ENOX1: variants seen among roughly 807,000 people sequenced by gnomAD.
ENOX1 encodes candidate growth-related and time keeping constitutive hydroquinone (NADH) oxidase.
ENOX1 carries 42 observed loss-of-function variants against 82.5 expected under a neutral mutation model. The ratio of observed to expected loss-of-function variants is 0.51; its 90% CI spans 0.40 to 0.66. The LOEUF (loss-of-function observed/expected upper bound fraction) is 0.66, where lower values mean the gene tolerates loss of function less well. Among genes scored for constraint, ENOX1 ranks in the 30% least tolerant of loss-of-function variants. ENOX1 has a pLI of 0.00. For missense variants in ENOX1, 608 were observed against 811.6 expected (o/e 0.75, Z 3.05); for synonymous variants, 271 against 282.2 (o/e 0.96, Z 0.40).
At chr13:43,740,888 T>C (rs1177568462) in intron 1 of ENOX1, among the ~76,000 whole-genome samples, 1 of 152,258 alleles carries the variant, frequency 6.6e-6, no homozygotes, top group African/African-American at 2.4e-5. Context: ...ATTCAACAGT[T>C]GAAGGACATT....
chr13:43,765,143 T>C (rs1951194398), intron 1 of ENOX1, among the ~76,000 whole-genome samples: 3 of 152,208 alleles, frequency 2.0e-5, no homozygotes, highest in Non-Finnish European at 4.4e-5. Context: ...CTCCTAGTTG[T>C]CATATTCCTC....
intron 12 of ENOX1, among the ~76,000 whole-genome samples, chr13:43,277,428 T>C (rs1487513148): frequency 3.3e-5 from 5 of 152,100 alleles, no homozygotes; most frequent in East Asian, 1.9e-4. Context: ...GTCAAGATAA[T>C]GAACCCTGGG....
At chr13:43,486,323 G>A (rs2076414707) in intron 2 of ENOX1, among the ~76,000 whole-genome samples, 1 of 152,088 alleles carries the variant, frequency 6.6e-6, no homozygotes, top group Non-Finnish European at 1.5e-5. Flanking sequence ...GGTGGAGGCT[G>A]CAGTGAGCCA....
At chr13:43,456,751 T>C (rs2057250470) in intron 3 of ENOX1, among the ~76,000 whole-genome samples, 1 of 152,162 alleles carries the variant, frequency 6.6e-6, no homozygotes, top group Admixed American at 6.5e-5. Context: ...GGTTGGGGAA[T>C]TGGTAGAGTC....
intron 2 of ENOX1, among the ~76,000 whole-genome samples, chr13:43,577,256 T>C (rs892119668): frequency 6.6e-6 from 1 of 152,132 alleles, no homozygotes; most frequent in Admixed American, 6.5e-5. Context: ...CTCACTCTCC[T>C]GAGTAGCTGG....
chr13:43,381,239 T>C (rs911252377), intron 5 of ENOX1, among the ~76,000 whole-genome samples: 12 of 151,768 alleles, frequency 7.9e-5, no homozygotes, highest in Admixed American at 1.3e-4. Context: ...AATTATAAAA[T>C]AGTGATGAAA....
chr13:43,722,506 T>C (rs1405684295), intron 1 of ENOX1, among the ~76,000 whole-genome samples: 1 of 152,176 alleles, frequency 6.6e-6, no homozygotes, highest in Non-Finnish European at 1.5e-5. Flanking sequence ...TCCCTGTCCT[T>C]TGAGAGTACA....
chr13:43,517,490 C>A (rs2077599089), intron 2 of ENOX1, among the ~76,000 whole-genome samples: 1 of 152,052 alleles, frequency 6.6e-6, no homozygotes, highest in African/African-American at 2.4e-5. Flanking sequence ...AAGAGTGAAA[C>A]CCTGTCTCAT....
At chr13:43,377,915 A>C (rs1429871974) in intron 5 of ENOX1, among the ~76,000 whole-genome samples, 2 of 152,346 alleles carry the variant, frequency 1.3e-5, no homozygotes, top group East Asian at 3.9e-4. Context: ...CAGTATGGCC[A>C]TATCACTGTT....
chr13:43,656,258 T>G (rs913640164), intron 2 of ENOX1, among the ~76,000 whole-genome samples: 1 of 152,196 alleles, frequency 6.6e-6, no homozygotes, highest in African/African-American at 2.4e-5. Context: ...TATGGAACAG[T>G]TAGATGCCAT....
rs554129541 is a variant in ENOX1 at position 43,247,440 on chromosome 13, T to C, written c.1612-10702A>G. On this transcript the variant is annotated intron_variant, in intron 14 of 16. Coordinates refer to ENST00000690772, the MANE Select transcript of ENOX1 (RefSeq NM_001347969.2). ...TGATGAGCTCTCACCACCTGTGCCC[T>C]TTCCCAGCAGCCTTCCATGGTCAAG... 7.9e-4 allele frequency among the ~76,000 whole-genome samples: 120 copies of C among 152,264 alleles called. 1 individual carries two copies. Among genetic ancestry groups the C allele is most frequent in the African/African-American group, 2.8e-3 (116 of 41,552 alleles).
intron 5 of ENOX1, among the ~76,000 whole-genome samples, chr13:43,376,294 C>A (rs972755899): frequency 6.6e-6 from 1 of 152,138 alleles, no homozygotes; most frequent in African/African-American, 2.4e-5. Flanking sequence ...TTAAACAGAG[C>A]TAAGTTAAAC....
At chr13:43,414,579 T>TC (rs1432382233) in intron 3 of ENOX1, among the ~76,000 whole-genome samples, 6 of 152,322 alleles carry the variant, frequency 3.9e-5, no homozygotes, top group South Asian at 4.1e-4. Context: ...TCACCAACGA[T>TC]CTTTCTACGA....
At chr13:43,296,132 T>C (rs1394236314) in intron 12 of ENOX1, among the ~76,000 whole-genome samples, 2 of 152,214 alleles carry the variant, frequency 1.3e-5, no homozygotes, top group East Asian at 3.8e-4. Context: ...ACGTGTCTGT[T>C]ATGGATTGAA....
At chr13:43,718,156 A>G (rs2088281841) in intron 1 of ENOX1, among the ~76,000 whole-genome samples, 1 of 152,242 alleles carries the variant, frequency 6.6e-6, no homozygotes, top group East Asian at 1.9e-4. Flanking sequence ...AGTGGTTTGG[A>G]TAAAGACAAG....
intron 2 of ENOX1, among the ~76,000 whole-genome samples, chr13:43,532,311 T>C (rs1450370968): frequency 6.6e-6 from 1 of 152,180 alleles, no homozygotes; most frequent in African/African-American, 2.4e-5. Flanking sequence ...CCTTTGTCAC[T>C]TAACAATGCA....
intron 5 of ENOX1, among the ~76,000 whole-genome samples, chr13:43,387,929 A>C (rs2052530577): frequency 6.6e-6 from 1 of 152,150 alleles, no homozygotes; most frequent in African/African-American, 2.4e-5. Context: ...ATTGGATATT[A>C]ATGTTTGGAA....
At chr13:43,625,444 C>T (rs2082922224) in intron 2 of ENOX1, among the ~76,000 whole-genome samples, 1 of 151,950 alleles carries the variant, frequency 6.6e-6, no homozygotes, top group Non-Finnish European at 1.5e-5. Context: ...CAGCCTTTCA[C>T]CTTTAACTAA....
Position 43,285,580 on chromosome 13 carries a change from C to T in ENOX1, c.1446+12766G>A, listed in dbSNP as rs536518265. Among the ~76,000 whole-genome samples the T allele has an allele frequency of 9.2e-5, 14 of 152,038 alleles. 1 individual carries two copies. In the South Asian group the frequency reaches 2.7e-3, roughly 29 times the overall value. Reference sequence around the variant, plus strand: ...GAAGGATTTTTTTTGCCGAGGCAGGCAGATCACCTGAGGTCAGGAGTTCGA... The same window carrying T: ...GAAGGATTTTTTTTGCCGAGGCAGGTAGATCACCTGAGGTCAGGAGTTCGA... On this transcript the variant is annotated intron_variant, in intron 12 of 16. Transcript: ENST00000690772.
Sources: allele counts gnomAD v4.1 joint callset (sites outside exome capture counted in the v4.1 genomes callset), GRCh38; gene constraint gnomAD v4.1.1; transcripts MANE v1.5; gene names NCBI Gene and HGNC (gene_info 2026-07-23, HGNC 2026-07-21).